The following SHANK2 variants were observed in gnomAD, a reference collection of about 807,000 sequenced individuals.
The protein encoded by SHANK2 is SH3 and multiple ankyrin repeat domains 2.
In SHANK2, 43 loss-of-function variants were observed where a neutral mutation model predicts 133.7. The observed-to-expected ratio is 0.32, with a 90% confidence interval of 0.25 to 0.41. The LOEUF (loss-of-function observed/expected upper bound fraction) is 0.41. Among genes scored for constraint, SHANK2 ranks in the 10% least tolerant of loss-of-function variants. The pLI, the probability that SHANK2 is intolerant of heterozygous loss-of-function variation, is 1.00. For synonymous variants in SHANK2, 1,017 were observed against 952.8 expected (o/e 1.07, Z -1.24); for missense variants, 1,994 against 2,235.8 (o/e 0.89, Z 2.18).
chr11:70,734,084 C>G (rs1248506163), intron 14 of SHANK2, among the ~76,000 whole-genome samples: 1 of 151,982 alleles, frequency 6.6e-6, no homozygotes, highest in Non-Finnish European at 1.5e-5. Context: ...TCCCTGGCAG[C>G]AGGGAGGGGG....
Position 70,471,469 on chromosome 11 carries a change from G to C in SHANK2, c.*1400C>G, listed in dbSNP as rs934197742. On this transcript the variant is annotated 3_prime_UTR_variant, in exon 26 of 26. Coordinates refer to ENST00000601538, the MANE Select transcript of SHANK2 (RefSeq NM_012309.5). The surrounding 1 kb of genome is among the most constrained non-coding windows in gnomAD (Gnocchi z 4.1). ...TATTGTTATGGGGTGGAGGGACTCC[G>C]GGGAAAGAAAGGGGCGGGGCTCAAG... 5.0e-6 allele frequency: 2 copies of C among 398,470 alleles called. No homozygotes were observed. Among genetic ancestry groups the C allele is most frequent in the South Asian group, 1.3e-4 (1 of 7,810 alleles). The allele number at this position is 398,470 out of a possible 1,614,324, so 24.7% of individuals were successfully genotyped here. A position where few individuals can be genotyped will look rare whatever the true frequency, so the allele number is the denominator to read the frequency against.
At chr11:70,723,228 T>C (rs1377607291) in intron 14 of SHANK2, among the ~76,000 whole-genome samples, 1 of 152,102 alleles carries the variant, frequency 6.6e-6, no homozygotes, top group Non-Finnish European at 1.5e-5. Context: ...AAGATATACA[T>C]GACTTCATGC....
chr11:71,231,843 C>A (rs1256004815), intron 1 of SHANK2, among the ~76,000 whole-genome samples: 1 of 151,646 alleles, frequency 6.6e-6, no homozygotes, highest in Non-Finnish European at 1.5e-5. Context: ...GAGCCAAGAT[C>A]ATGCCACTGC....
chr11:70,473,532 C>A lies in SHANK2; in HGVS notation c.4980-93G>T. 1 of 1,230,162 alleles carries A rather than the reference C, an allele frequency of 8.1e-7. No individual in the cohort carries two copies. Among genetic ancestry groups the A allele is most frequent in the South Asian group, 1.2e-5 (1 of 80,108 alleles). 76.2% of individuals were successfully genotyped at this position (1,230,162 alleles called of 1,614,324 possible). ...CACCCAGGAAGGCGAGGGAGACGCC[C>A]AAACCATGCCAGAGTGTCTAGTGGC... On this transcript the variant is annotated intron_variant, in intron 25 of 25. Transcript: ENST00000601538. The surrounding 1 kb of genome is among the most constrained non-coding windows in gnomAD (Gnocchi z 5.9).
At chr11:70,661,931 G>A (rs767324047) in intron 15 of SHANK2, 1 of 926,850 alleles carries the variant, frequency 1.1e-6, no homozygotes. Context: ...GCCAGCCGGA[G>A]GAAGGAGTCA....
At chr11:70,617,345 C>T (rs1466964444) in intron 17 of SHANK2, among the ~76,000 whole-genome samples, 1 of 152,100 alleles carries the variant, frequency 6.6e-6, no homozygotes, top group South Asian at 2.1e-4. Context: ...CATGTACATG[C>T]ATGTTAAAAC....
chr11:70,770,802 GAC>G lies in SHANK2; in HGVS notation c.1777+27639_1777+27640del, dbSNP rs371604937. On this transcript the variant is annotated intron_variant, in intron 14 of 25. Coordinates refer to ENST00000601538, the MANE Select transcript of SHANK2 (RefSeq NM_012309.5). ...CCTGCTCTGGGATCAGTCCCTCTCC[GAC>G]ACACAGAGTGCTCCAGAAGTTAACA... Among the ~76,000 whole-genome samples the G allele has an allele frequency of 8.0e-4, 122 of 151,690 alleles. 1 individual carries two copies. The highest frequency in any genetic ancestry group is 2.9e-3 in the African/African-American group (120 of 41,338).
chr11:71,093,766 G>A (rs930397469), intron 7 of SHANK2, among the ~76,000 whole-genome samples: 1 of 152,100 alleles, frequency 6.6e-6, no homozygotes, highest in Admixed American at 6.5e-5. Flanking sequence ...TTATTGCAAC[G>A]CAGGAACAGA....
chr11:71,134,996 A>G (rs72957677), intron 3 of SHANK2, among the ~76,000 whole-genome samples: 29,469 of 152,032 alleles, frequency 0.19, 3,141 homozygotes, highest in South Asian at 0.31. Flanking sequence ...CCTCCTTGTC[A>G]TGACCCTATA....
intron 17 of SHANK2, among the ~76,000 whole-genome samples, chr11:70,632,699 G>A (rs2061011786): frequency 6.6e-6 from 1 of 152,160 alleles, no homozygotes; most frequent in African/African-American, 2.4e-5. Context: ...AGCACTCGGT[G>A]GATGCTGGGA....
chr11:70,903,916 C>T (rs3020095), intron 10 of SHANK2, among the ~76,000 whole-genome samples: 40,753 of 152,100 alleles, frequency 0.27, 6,873 homozygotes, highest in African/African-American at 0.48. Flanking sequence ...TCCTTCTCCC[C>T]GAAATGCCCC....
chr11:70,915,828 C>G (rs782237625), intron 10 of SHANK2, among the ~76,000 whole-genome samples: 17 of 152,198 alleles, frequency 1.1e-4, no homozygotes, highest in Non-Finnish European at 2.1e-4. Context: ...CAAGGCCATG[C>G]TTTAAAGACT....
At chr11:71,127,917 G>A (rs1362205158) in intron 3 of SHANK2, among the ~76,000 whole-genome samples, 1 of 152,202 alleles carries the variant, frequency 6.6e-6, no homozygotes, top group Admixed American at 6.5e-5. Context: ...CTTCCAGGCT[G>A]CATACAACCC....
At chr11:70,736,684 G>C (rs1591799249) in intron 14 of SHANK2, among the ~76,000 whole-genome samples, 2 of 152,132 alleles carry the variant, frequency 1.3e-5, no homozygotes, top group Non-Finnish European at 2.9e-5. Context: ...TCCGTTCTCT[G>C]CTGTTCTGAG....
intron 12 of SHANK2, among the ~76,000 whole-genome samples, chr11:70,811,341 AC>A (rs1555053161): frequency 3.3e-5 from 5 of 152,014 alleles, no homozygotes; most frequent in Non-Finnish European, 7.4e-5. Flanking sequence ...GGATTTCCAC[AC>A]CCAAAGAGCT....
intron 10 of SHANK2, among the ~76,000 whole-genome samples, chr11:70,941,272 T>C (rs1201741789): frequency 6.6e-6 from 1 of 152,100 alleles, no homozygotes; most frequent in East Asian, 1.9e-4. Context: ...GATAGCTAAC[T>C]CCACACACTG....
chr11:70,615,621 T>C (rs949291128), intron 17 of SHANK2, among the ~76,000 whole-genome samples: 1 of 152,174 alleles, frequency 6.6e-6, no homozygotes, highest in Non-Finnish European at 1.5e-5. Flanking sequence ...CAGGCTTCTA[T>C]TGTCCCTTGC....
intron 14 of SHANK2, among the ~76,000 whole-genome samples, chr11:70,742,992 G>T (rs562666895): frequency 1.3e-5 from 2 of 152,344 alleles, no homozygotes; most frequent in Non-Finnish European, 2.9e-5. Context: ...CAGAAGCTTC[G>T]TGCATATTTT....
intron 10 of SHANK2, among the ~76,000 whole-genome samples, chr11:70,929,441 A>T (rs1315853761): frequency 2.0e-5 from 3 of 152,246 alleles, no homozygotes; most frequent in African/African-American, 7.2e-5. Flanking sequence ...CCTGAAATAA[A>T]GGTGTGCTGT....
Sources: gnomAD v4.1 joint callset for allele counts (sites outside exome capture counted in the v4.1 genomes callset) on GRCh38, gnomAD v4.1.1 for gene constraint, Gnocchi (gnomAD v3.1) non-coding constraint, MANE v1.5 for transcripts, NCBI Gene and HGNC (gene_info 2026-07-23, HGNC 2026-07-21) for gene names.